CACNA1G: variants seen among roughly 807,000 people sequenced by gnomAD.
CACNA1G encodes voltage-dependent T-type calcium channel subunit alpha-1G.
Under a neutral mutation model 219.4 loss-of-function variants are expected in CACNA1G, and 67 were observed. That is an observed-to-expected ratio of 0.31 (90% CI 0.25 to 0.37). The LOEUF (loss-of-function observed/expected upper bound fraction) is 0.37. CACNA1G is among the 10% of genes least tolerant of loss of function. The pLI is 1.00. For missense variants in CACNA1G, 2,380 were observed against 3,231.4 expected, an observed-to-expected ratio of 0.74 and a Z score of 6.39; for synonymous variants, 1,296 against 1,345.3, an observed-to-expected ratio of 0.96 and a Z score of 0.80.
At chr17:50,622,892 G>A (rs928751641) in intron 35 of CACNA1G, among the ~76,000 whole-genome samples, 14 of 152,210 alleles carry the variant, frequency 9.2e-5, no homozygotes, top group Non-Finnish European at 1.9e-4. Flanking sequence ...GCTGTGACAT[G>A]CCTCTGGTGG....
intron 16 of CACNA1G, among the ~76,000 whole-genome samples, chr17:50,598,790 C>A (rs1457670204): frequency 6.6e-6 from 1 of 152,132 alleles, no homozygotes; most frequent in Non-Finnish European, 1.5e-5. Flanking sequence ...CAGGCTGGAG[C>A]GCAACAGTTC....
At chr17:50,604,371 T>TG in intron 22 of CACNA1G, 90 bp downstream of exon 22, 1 of 1,480,188 alleles carries the variant, frequency 6.8e-7, no homozygotes, top group South Asian at 1.3e-5. Flanking sequence ...AAGCTGCTGT[T>TG]GCTGCCTTCA....
chr17:50,624,330 C>A (rs1567793357), intron 36 of CACNA1G, 30 bp from the exon 37 acceptor site: 10 of 1,202,060 alleles, frequency 8.3e-6, no homozygotes, highest in East Asian at 5.1e-5. Context: ...TCTCTCCCCC[C>A]ACCCCTCCCC....
chr17:50,607,232 A>C (rs969642833), intron 24 of CACNA1G: 33 of 531,380 alleles, frequency 6.2e-5, no homozygotes, highest in African/African-American at 5.8e-4. Flanking sequence ...GGCTGTGTGC[A>C]GTGGCTCACA....
chr17:50,623,851 T>C, intron 35 of CACNA1G, 56 bp from the exon 36 acceptor site: 1 of 1,563,838 alleles, frequency 6.4e-7, no homozygotes, highest in South Asian at 1.2e-5. Flanking sequence ...GCTGCCTCAG[T>C]TACCAAACCC....
rs376849229 is a variant in CACNA1G at position 50,626,358 on chromosome 17, C to T, written c.6741C>T (p.Tyr2247=). The part of the protein sequence containing the change: ...PPSPRDLKKC[Y]SVEAQSCQRR... ...CCCCACGGGACCTGAAGAAGTGCTA[C>T]AGCGTGGAGGCCCAGAGCTGCCAGC... The change falls in exon 38 of 38, where the codon TAC becomes TAT. Residue 2247 remains tyrosine, a synonymous_variant. Coordinates refer to ENST00000359106, the MANE Select transcript of CACNA1G (RefSeq NM_018896.5). The surrounding 1 kb of genome is among the most constrained non-coding windows in gnomAD (Gnocchi z 4.3). The T allele has an allele frequency of 9.9e-6, 16 of 1,612,724 alleles. No individual in the cohort carries two copies. Among genetic ancestry groups the T allele is most frequent in the Admixed American group, 6.7e-5 (4 of 59,986 alleles).
chr17:50,606,074 C>A lies in CACNA1G; in HGVS notation c.4422+51C>A. 1.9e-6 allele frequency: 3 copies of A among 1,612,812 alleles called. No individual in the cohort carries two copies. The South Asian group carries it at 3.3e-5, about 18-fold the overall frequency. On this transcript the variant is annotated intron_variant, in intron 23 of 37. Coordinates refer to ENST00000359106, the MANE Select transcript of CACNA1G (RefSeq NM_018896.5). ...CTGTGGTGAAGGAGGCTGGAGGGGG[C>A]ACAGGGCCATGCTTAGTGATACCTG...
At chr17:50,590,095 A>G (rs1322112352) in intron 9 of CACNA1G, among the ~76,000 whole-genome samples, 1 of 152,174 alleles carries the variant, frequency 6.6e-6, no homozygotes, top group East Asian at 1.9e-4. Flanking sequence ...GACATCCGCC[A>G]GCATTGTCAT....
intron 26 of CACNA1G, among the ~76,000 whole-genome samples, chr17:50,612,439 G>A (rs3785914): frequency 0.3 from 46,016 of 152,230 alleles, 7,468 homozygotes; most frequent in Middle Eastern, 0.35. Flanking sequence ...CCCACGGGAC[G>A]GCTAAGCCTC....
Position 50,603,311 on chromosome 17 carries a change from C to A in CACNA1G, c.4169+112C>A. 2.2e-6 allele frequency: 2 copies of A among 911,968 alleles called. No individual in the cohort carries two copies. The highest frequency in any genetic ancestry group is 3.3e-6 in the Non-Finnish European group (2 of 603,830). 56.5% of individuals were successfully genotyped at this position (911,968 alleles called of 1,614,324 possible). A position where few individuals can be genotyped will look rare whatever the true frequency, so the allele number is the denominator to read the frequency against. Reference sequence around the variant, plus strand: ...AACAAAAGCCTGCACAGGCCAGCATCCTGTCTGTGACCCCCACAGGCGATC... The same window carrying A: ...AACAAAAGCCTGCACAGGCCAGCATACTGTCTGTGACCCCCACAGGCGATC... On this transcript the variant is annotated intron_variant, in intron 21 of 37. Coordinates refer to ENST00000359106, the MANE Select transcript of CACNA1G (RefSeq NM_018896.5). This position sits in a 1 kb window ranked among gnomAD's most constrained non-coding sequence, Gnocchi z 6.4.
intron 34 of CACNA1G, among the ~76,000 whole-genome samples, chr17:50,620,373 G>C (rs1483138316): frequency 6.6e-6 from 1 of 152,224 alleles, no homozygotes; most frequent in East Asian, 1.9e-4. Flanking sequence ...GAGAGAGATA[G>C]AAGGCTCCAG....
In CACNA1G at chr17:50,596,567, T is replaced by C. The variant is rs1463872702; in HGVS notation, c.2985T>C (p.Asp995=). Residue 995 remains aspartate, a synonymous_variant, in exon 15 of 38, where the codon GAT becomes GAC. Transcript: ENST00000359106. The surrounding 1 kb of genome is among the most constrained non-coding windows in gnomAD (Gnocchi z 4.8). ...IQLPVDSQGG[D]ANKSESEPDF... is the part of the protein sequence containing the mutation. ...CCGCTGCTCCCCTGCCCTAGGGAGA[T>C]GCCAACAAGTCCGAATCAGAGCCCG... 1 of 1,613,842 alleles carries C rather than the reference T, an allele frequency of 6.2e-7. No individual in the cohort carries two copies. The highest frequency in any genetic ancestry group is 2.2e-5 in the East Asian group (1 of 44,874).
chr17:50,626,092 C>T lies in CACNA1G; in HGVS notation c.6475C>T (p.Pro2159Ser). Residue 2159 changes from proline to serine, a missense_variant, in exon 38 of 38, where the codon CCC becomes TCC. Transcript: ENST00000359106. This position sits in a 1 kb window ranked among gnomAD's most constrained non-coding sequence, Gnocchi z 4.3. Reference sequence around the variant, plus strand: ...AGACCTGCTGGCAGAGGTGAGTGGGCCCTCCCCGCCCCTGGCCCGGGCCTA... The same window carrying T: ...AGACCTGCTGGCAGAGGTGAGTGGGTCCTCCCCGCCCCTGGCCCGGGCCTA... ...REDLLAEVSG[P>S]SPPLARAYSF... The T allele has an allele frequency of 1.2e-6, 2 of 1,613,460 alleles. No individual in the cohort carries two copies. The highest frequency in any genetic ancestry group is 1.7e-6 in the Non-Finnish European group (2 of 1,179,810).
chr17:50,619,726 C>T lies in CACNA1G; in HGVS notation c.5825C>T (p.Ser1942Phe). The T allele has an allele frequency of 6.2e-7, 1 of 1,610,668 alleles. No individual in the cohort carries two copies. Among genetic ancestry groups the T allele is most frequent in the Admixed American group, 1.7e-5 (1 of 59,866 alleles). ...ACCATATCCCTGCTGATCCAGGGCT[C>T]CCTGGAGTGGGAGCTGAAGCTGATG... is the stretch of plus-strand genomic sequence containing the variant. ...FDTISLLIQG[S>F]LEWELKLMDE... is the part of the protein sequence containing the mutation. Residue 1942 changes from serine (S) to phenylalanine (F), a missense_variant, in exon 34 of 38, where the codon TCC becomes TTC. By Grantham distance (155) the Ser-to-Phe change is radical. Transcript: ENST00000359106.
chr17:50,622,059 G>C (rs2052252386), intron 35 of CACNA1G, among the ~76,000 whole-genome samples: 1 of 152,130 alleles, frequency 6.6e-6, no homozygotes, highest in African/African-American at 2.4e-5. Context: ...CAGCCATTAT[G>C]AAAAAGTGAA....
At chr17:50,612,247 A>T (rs112002915) in intron 26 of CACNA1G, among the ~76,000 whole-genome samples, 35 of 152,088 alleles carry the variant, frequency 2.3e-4, no homozygotes, top group African/African-American at 8.0e-4. Context: ...CGTGCACCGC[A>T]CCTCCCTGCT....
chr17:50,595,637 G>A (rs75291370), intron 14 of CACNA1G, among the ~76,000 whole-genome samples: 14,139 of 152,292 alleles, frequency 0.093, 2,265 homozygotes, highest in African/African-American at 0.32. Flanking sequence ...ACTTGGGTCC[G>A]GCTGGCGCTG....
intron 26 of CACNA1G, among the ~76,000 whole-genome samples, chr17:50,610,610 A>G (rs1567730269): frequency 1.3e-5 from 2 of 151,982 alleles, no homozygotes; most frequent in African/African-American, 4.8e-5. Flanking sequence ...TGGCCCCCAG[A>G]TGGAGGTGTG....
rs1361622882 is a variant in CACNA1G, at chr17:50,578,968, C to T, written c.2301+404C>T. Among the ~76,000 whole-genome samples, 6 of 151,962 alleles carry T rather than the reference C, an allele frequency of 3.9e-5. No individual in the cohort carries two copies. Among genetic ancestry groups the T allele is most frequent in the Admixed American group, 2.6e-4 (4 of 15,266 alleles). On this transcript the variant is annotated intron_variant, in intron 9 of 37. Transcript: ENST00000359106. The surrounding 1 kb of genome is among the most constrained non-coding windows in gnomAD (Gnocchi z 4.5). ...TGGCATCCATCTGACCCACTAAGTCCGGGTGTGACTGATTGGAGGCAGGAG... is the reference window on the plus strand; with the variant it reads ...TGGCATCCATCTGACCCACTAAGTCTGGGTGTGACTGATTGGAGGCAGGAG...
Sources: gnomAD v4.1 joint callset for allele counts (sites outside exome capture counted in the v4.1 genomes callset) on GRCh38, gnomAD v4.1.1 for gene constraint, Gnocchi (gnomAD v3.1) non-coding constraint, MANE v1.5 for transcripts, NCBI Gene and HGNC (gene_info 2026-07-23, HGNC 2026-07-21) for gene names.